The following TEX11 variants were observed in gnomAD, a reference collection of about 807,000 sequenced individuals.
The protein encoded by TEX11 is testis expressed 11.
In TEX11, 7 loss-of-function variants were observed where a neutral mutation model predicts 84.4. The ratio of observed to expected loss-of-function variants is 0.08; its 90% confidence interval spans 0.05 to 0.16. The LOEUF is 0.16. TEX11 is among the 10% of genes least tolerant of loss of function. The probability of loss-of-function intolerance (pLI) is 1.00; values close to 1 mark genes in which losing one functional copy is unlikely to be tolerated. For missense variants in TEX11, 551 were observed against 660.5 expected (o/e 0.83, Z 1.82); for synonymous variants, 264 against 222.8 (o/e 1.18, Z -1.64).
At chrX:70,753,975 C>T (rs945665250) in intron 9 of TEX11, among the ~76,000 whole-genome samples, 13 of 108,144 alleles carry the variant, frequency 1.2e-4, no homozygotes, top group African/African-American at 4.4e-4. Flanking sequence ...TCGGGTGAGA[C>T]CCTGAGACTT....
intron 28 of TEX11, among the ~76,000 whole-genome samples, chrX:70,531,975 C>T (rs545429234): frequency 2.7e-5 from 3 of 111,443 alleles, no homozygotes; most frequent in Non-Finnish European, 3.8e-5. Context: ...GAGGAGTTAA[C>T]GGGAAATAAG....
chrX:70,629,192 C>A (rs2089481510), intron 18 of TEX11, among the ~76,000 whole-genome samples: 2 of 111,670 alleles, frequency 1.8e-5, no homozygotes, highest in Non-Finnish European at 3.8e-5. Flanking sequence ...AACAGGGGTA[C>A]AATTATTTAT....
rs2089486626 is a variant in TEX11, at chrX:70,629,629, A to G, written c.1590T>C (p.Ala530=). 1.7e-6 allele frequency: 2 copies of G among 1,207,650 alleles called. No individual in the cohort carries two copies. Among genetic ancestry groups the G allele is most frequent in the Non-Finnish European group, 2.2e-6 (2 of 893,941 alleles). Residue 530 remains alanine, a synonymous_variant, in exon 18 of 30, where the codon GCT becomes GCC. Coordinates refer to ENST00000374333, the MANE Select transcript of TEX11 (RefSeq NM_031276.3). ...GAATTACCTCTAGAGCAAACTGGGC[A>G]GCTAAACTTAGAAGCATGGTAGGTG... ...RGSPTMLLSL[A]AQFALENGQQ...
At chrX:70,512,532 A>G in the TEX11 span, among the ~76,000 whole-genome samples, 108 of 108,252 alleles carry the variant, frequency 1.0e-3, 8 homozygotes, top group African/African-American at 3.6e-3. Context: ...CCTGCAAAGC[A>G]TTTCCTTATT....
chrX:70,759,733 T>C (rs973147153), intron 9 of TEX11, among the ~76,000 whole-genome samples: 1 of 111,659 alleles, frequency 9.0e-6, no homozygotes, highest in African/African-American at 3.3e-5. Flanking sequence ...TCACCACTCC[T>C]ATTCAACATA....
the TEX11 span, among the ~76,000 whole-genome samples, chrX:70,518,914 A>C: frequency 8.9e-6 from 1 of 111,823 alleles, no homozygotes; most frequent in East Asian, 2.8e-4. Context: ...AGTCTGTTTT[A>C]TCAGAGACTA....
At chrX:70,754,773 G>A (rs951305127) in intron 9 of TEX11, among the ~76,000 whole-genome samples, 1 of 109,380 alleles carries the variant, frequency 9.1e-6, no homozygotes, top group Admixed American at 9.7e-5. Context: ...AAGAGAGAAA[G>A]AGAGAGAGAG....
intron 13 of TEX11, among the ~76,000 whole-genome samples, chrX:70,697,910 C>T (rs779723077): frequency 8.9e-6 from 1 of 111,876 alleles, no homozygotes; most frequent in South Asian, 3.7e-4. Flanking sequence ...TGTAATCTGA[C>T]GCCAAAGTCC....
chrX:70,900,097 G>A (rs766000332), intron 2 of TEX11, among the ~76,000 whole-genome samples: 5 of 106,719 alleles, frequency 4.7e-5, no homozygotes, highest in African/African-American at 1.7e-4. Context: ...CTTAAACTTG[G>A]GAGGCAGAGG....
chrX:70,642,489 T>G (rs1403549019), intron 17 of TEX11, among the ~76,000 whole-genome samples: 1 of 106,862 alleles, frequency 9.4e-6, no homozygotes, highest in African/African-American at 3.4e-5. Flanking sequence ...TAGACCAATA[T>G]CCTTGATGAA....
intron 28 of TEX11, among the ~76,000 whole-genome samples, chrX:70,550,824 C>A (rs1247576949): frequency 9.0e-6 from 1 of 111,560 alleles, no homozygotes; most frequent in African/African-American, 3.3e-5. Context: ...AGTACAACCA[C>A]TATGGAGAAC....
chrX:70,798,866 T>C (rs1276202180), intron 9 of TEX11, among the ~76,000 whole-genome samples: 1 of 107,908 alleles, frequency 9.3e-6, no homozygotes, highest in Non-Finnish European at 1.9e-5. Flanking sequence ...GACTTAAATG[T>C]AAGACCAGAA....
At chrX:70,858,338 A>T (rs766163504) in intron 5 of TEX11, among the ~76,000 whole-genome samples, 4 of 107,608 alleles carry the variant, frequency 3.7e-5, no homozygotes, top group Non-Finnish European at 5.7e-5. Flanking sequence ...GCTTCTCAGG[A>T]GGCTGAGGCA....
intron 17 of TEX11, among the ~76,000 whole-genome samples, chrX:70,635,715 C>A (rs2089563351): frequency 9.0e-6 from 1 of 111,188 alleles, no homozygotes; most frequent in Admixed American, 9.5e-5. Context: ...CCCATGGACC[C>A]AGCCTCTAGG....
intron 24 of TEX11, among the ~76,000 whole-genome samples, chrX:70,596,455 A>G (rs1368547724): frequency 1.8e-5 from 2 of 111,901 alleles, no homozygotes; most frequent in Admixed American, 9.6e-5. Context: ...ACCACAGTGG[A>G]ATAAAATTTA....
intron 3 of TEX11, among the ~76,000 whole-genome samples, chrX:70,876,545 T>C (rs184743034): frequency 1.7e-4 from 19 of 111,721 alleles, no homozygotes; most frequent in Admixed American, 1.2e-3. Context: ...AAATACATGC[T>C]GCAAACAGAA....
At chrX:70,734,145 G>T (rs1033579920) in intron 11 of TEX11, among the ~76,000 whole-genome samples, 1 of 110,190 alleles carries the variant, frequency 9.1e-6, no homozygotes, top group Non-Finnish European at 1.9e-5. Flanking sequence ...CACAACCAGG[G>T]CCTGTTGTGG....
chrX:70,797,280 C>T (rs938956859), intron 9 of TEX11, among the ~76,000 whole-genome samples: 2 of 111,380 alleles, frequency 1.8e-5, no homozygotes, highest in African/African-American at 6.5e-5. Flanking sequence ...TACTATGTAG[C>T]CATTTAAAAA....
intron 25 of TEX11, among the ~76,000 whole-genome samples, chrX:70,574,045 G>C (rs2088640576): frequency 8.9e-6 from 1 of 111,851 alleles, no homozygotes; most frequent in African/African-American, 3.2e-5. Flanking sequence ...TCCTTGCAAT[G>C]ACCTACAAAA....
Sources: gnomAD v4.1 joint callset for allele counts (sites outside exome capture counted in the v4.1 genomes callset) on GRCh38, gnomAD v4.1.1 for gene constraint, MANE v1.5 for transcripts, NCBI Gene and HGNC (gene_info 2026-07-23, HGNC 2026-07-21) for gene names.